The following TBC1D9B variants were observed in gnomAD, a reference collection of about 807,000 sequenced individuals.
TBC1D9B encodes the protein TBC1 domain family member 9B, also known as TBC1 domain family, member 9B (with GRAM domain).
TBC1D9B carries 87 observed loss-of-function variants against 121.1 expected under a neutral mutation model. The ratio of observed to expected loss-of-function variants is 0.72; its 90% CI spans 0.60 to 0.86. TBC1D9B has a LOEUF of 0.86. Ranked by LOEUF, TBC1D9B falls within the 40% of genes least tolerant of loss-of-function variation. TBC1D9B has a pLI of 0.00. For synonymous variants in TBC1D9B, 668 were observed against 670.1 expected, an observed-to-expected ratio of 1.00 and a Z score of 0.05; for missense variants, 1,540 against 1,628.6, an observed-to-expected ratio of 0.95 and a Z score of 0.94.
In TBC1D9B at chr5:179,878,351, C is replaced by T. The variant is rs201215106; in HGVS notation, c.1740G>A (p.Leu580=). The change falls in exon 10 of 21, where the codon CTG becomes CTA. Residue 580 remains leucine (L), a synonymous_variant. Transcript: ENST00000355235. ...TGGGGTTTCGGAAGGCATAGGCAGT[C>T]AGCACCCGCCGGAGGGCAGCAATCC... ...ELGIAALRRV[L]TAYAFRNPTI... is the part of the protein sequence containing the mutation. 2.1e-5 allele frequency: 34 copies of T among 1,613,820 alleles called. No homozygotes were observed. The highest frequency in any genetic ancestry group is 2.8e-5 in the Non-Finnish European group (33 of 1,179,958).
Position 179,863,707 on chromosome 5 carries a change from A to G in TBC1D9B, c.3443T>C (p.Leu1148Pro). ...SSYSVVSTGS[L>P]QCEDLADDTV... Reference sequence around the variant, plus strand: ...GTCGTCTGCAAGGTCTTCACATTGCAGGGAGCCCGTGCTGACCACCGAGTA... The same window carrying G: ...GTCGTCTGCAAGGTCTTCACATTGCGGGGAGCCCGTGCTGACCACCGAGTA... Residue 1148 changes from leucine to proline, a missense_variant, in exon 21 of 21, where the codon CTG (leucine) becomes CCG (proline). Leu to Pro is a moderately conservative substitution (Grantham distance 98, BLOSUM62 -3). Transcript: ENST00000355235. The surrounding 1 kb of genome is among the most constrained non-coding windows in gnomAD (Gnocchi z 4.5). The G allele has an allele frequency of 6.2e-7, 1 of 1,613,386 alleles. No homozygotes were observed. The highest frequency in any genetic ancestry group is 8.5e-7 in the Non-Finnish European group (1 of 1,179,956).
chr5:179,906,147 G>T (rs1359287097), intron 1 of TBC1D9B, among the ~76,000 whole-genome samples: 2 of 152,204 alleles, frequency 1.3e-5, no homozygotes, highest in African/African-American at 4.8e-5. Context: ...TTAATAGATG[G>T]CTTGGATAAA....
rs1005971124 is a variant in TBC1D9B at position 179,902,851 on chromosome 5, C to T, written c.229+1851G>A. Among the ~76,000 whole-genome samples the T allele has an allele frequency of 3.9e-5, 6 of 152,168 alleles. No homozygotes were observed. Among genetic ancestry groups the T allele is most frequent in the Admixed American group, 1.3e-4 (2 of 15,286 alleles). ...CCACTCAGGCTCTGAAGCCAGAGAT[C>T]GGGGGTCTAACTGGGCTTCCCTGCT... On this transcript the variant is annotated intron_variant, in intron 2 of 20. Transcript: ENST00000355235. The surrounding 1 kb of genome is among the most constrained non-coding windows in gnomAD (Gnocchi z 4.9).
chr5:179,888,371 G>A (rs1760756159), intron 6 of TBC1D9B, 59 bp from the exon 7 acceptor site: 4 of 1,549,552 alleles, frequency 2.6e-6, no homozygotes, highest in South Asian at 1.1e-5. Context: ...AGCTGGGCAT[G>A]CTTTGTGAAT....
chr5:179,906,741 G>C (rs1761329076), intron 1 of TBC1D9B, among the ~76,000 whole-genome samples: 1 of 152,232 alleles, frequency 6.6e-6, no homozygotes, highest in Admixed American at 6.5e-5. Context: ...AAGAAACGTG[G>C]CCCAGGAGAA....
intron 1 of TBC1D9B, among the ~76,000 whole-genome samples, chr5:179,906,500 C>T (rs550696157): frequency 3.3e-4 from 50 of 151,200 alleles, no homozygotes; most frequent in African/African-American, 1.2e-3. Context: ...GACACACTGG[C>T]GCGCTGATGA....
In TBC1D9B at chr5:179,865,627, A is replaced by T. The variant is rs1759985287; in HGVS notation, c.2914+211T>A. 2 of 630,894 alleles carry T rather than the reference A, an allele frequency of 3.2e-6. No individual in the cohort carries two copies. The highest frequency in any genetic ancestry group is 3.7e-5 in the African/African-American group (2 of 54,408). The allele number at this position is 630,894 out of a possible 1,614,324, so 39.1% of individuals were successfully genotyped here. On this transcript the variant is annotated intron_variant, in intron 19 of 20. Transcript: ENST00000355235. The surrounding 1 kb of genome is among the most constrained non-coding windows in gnomAD (Gnocchi z 5.1). Reference sequence around the variant, plus strand: ...GGGGAGTCACAGGGCAGCTGGAGAGAAGCTGGCAAGAGAGGGCTGGCTGGG... The same window carrying T: ...GGGGAGTCACAGGGCAGCTGGAGAGTAGCTGGCAAGAGAGGGCTGGCTGGG...
intron 14 of TBC1D9B, 36 bp downstream of exon 14, chr5:179,872,856 A>ACCCCACCCCCC: frequency 1.2e-6 from 1 of 868,376 alleles, no homozygotes; most frequent in East Asian, 4.7e-5. Context: ...CTGCCCCCCC[A>ACCCCACCCCCC]GCCCAGCCCC....
In TBC1D9B at chr5:179,893,201, C is replaced by A. The variant is rs749597613; in HGVS notation, c.836+8G>T. The A allele has an allele frequency of 2.0e-5, 32 of 1,597,220 alleles. No homozygotes were observed. Among genetic ancestry groups the A allele is most frequent in the Non-Finnish European group, 2.4e-5 (28 of 1,171,402 alleles). ...ATGAGCCCACCCCAGCCCTGGAGGG[C>A]AACGCACCGCTTCAGGGCTGAGATG... On this transcript the variant is annotated splice_region_variant and intron_variant, in intron 5 of 20. Transcript: ENST00000355235.
chr5:179,866,032 C>G (rs1759996785), intron 18 of TBC1D9B, 144 bp from the exon 19 acceptor site: 1 of 957,010 alleles, frequency 1.0e-6, no homozygotes, highest in African/African-American at 1.6e-5. Context: ...CATGCCACAC[C>G]TCCTGCCTGG....
rs775109007 is a variant in TBC1D9B, at chr5:179,863,644, G to A, written c.3506C>T (p.Ala1169Val). 4.0e-5 allele frequency: 64 copies of A among 1,613,684 alleles called. No individual in the cohort carries two copies. The highest frequency in any genetic ancestry group is 5.3e-5 in the Non-Finnish European group (62 of 1,180,036). The change falls in exon 21 of 21, where the codon GCG (alanine) becomes GTG (valine). Residue 1169 changes from alanine to valine, a missense_variant. Coordinates refer to ENST00000355235, the MANE Select transcript of TBC1D9B (RefSeq NM_015043.4). The surrounding 1 kb of genome is among the most constrained non-coding windows in gnomAD (Gnocchi z 4.5). ...GGTGTCGACGGTGCCGCCGATGCGC[G>A]CTGTGGGGCTGCAGGCCTCCCCGCC... ...LVGGEACSPTARIGGTVDTDW... is the reference protein window; with the variant it reads ...LVGGEACSPTVRIGGTVDTDW...
In TBC1D9B at chr5:179,875,129, G is replaced by A; in HGVS notation, c.1959C>T (p.Leu653=). 6.2e-7 allele frequency: 1 copy of A among 1,613,996 alleles called. No individual in the cohort carries two copies. The part of the protein sequence containing the change: ...EELTRDFLPQ[L]SEKMQDLGVI... ...CCCCCAGGTCCTGCATCTTCTCCGA[G>A]AGCTGCGGCAGGAAGTCTCTCGTGA... Residue 653 remains leucine (L), a synonymous_variant, in exon 12 of 21, where the codon CTC becomes CTT. Transcript: ENST00000355235. The surrounding 1 kb of genome is among the most constrained non-coding windows in gnomAD (Gnocchi z 4.5).
intron 8 of TBC1D9B, 186 bp downstream of exon 8, chr5:179,879,442 C>T: frequency 9.6e-7 from 1 of 1,045,732 alleles, no homozygotes; most frequent in Non-Finnish European, 1.4e-6. Flanking sequence ...GCACACTGAG[C>T]AGGTCAGCGG....
At position 179,879,747 on chromosome 5, in the gene TBC1D9B, G is replaced by C; in HGVS notation, c.1297C>G (p.Pro433Ala). 6.2e-7 allele frequency: 1 copy of C among 1,613,956 alleles called. No homozygotes were observed. The highest frequency in any genetic ancestry group is 1.3e-5 in the African/African-American group (1 of 75,074). ...TGGCGGCTGCTGAGGGGAGAGGCTG[G>C]GCTGGCGGGCTGCTCCGACCCCTCC... ...PQEGSEQPAS[P>A]ASPLSSRQSF... Residue 433 changes from proline (P) to alanine (A), a missense_variant, in exon 8 of 21, where the codon CCA (proline) becomes GCA (alanine). Coordinates refer to ENST00000355235, the MANE Select transcript of TBC1D9B (RefSeq NM_015043.4).
rs143770176 is a variant in TBC1D9B at position 179,863,750 on chromosome 5, C to T, written c.3400G>A (p.Asp1134Asn). 2.0e-5 allele frequency: 32 copies of T among 1,613,520 alleles called. No individual in the cohort carries two copies. Among genetic ancestry groups the T allele is most frequent in the Admixed American group, 1.0e-4 (6 of 59,996 alleles). ...QLLSDDETKD[D>N]MSMSSYSVVS... Reference sequence around the variant, plus strand: ...ACCGAGTAGGAGGACATGGACATGTCGTCTTTGGTTTCATCGTCAGACAGC... The same window carrying T: ...ACCGAGTAGGAGGACATGGACATGTTGTCTTTGGTTTCATCGTCAGACAGC... Residue 1134 changes from aspartate to asparagine, a missense_variant, in exon 21 of 21, where the codon GAC becomes AAC. By Grantham distance (23) the Asp-to-Asn change is conservative (BLOSUM62 1). Transcript: ENST00000355235. This position sits in a 1 kb window ranked among gnomAD's most constrained non-coding sequence, Gnocchi z 4.5.
chr5:179,901,535 A>T (rs143906446), intron 2 of TBC1D9B, among the ~76,000 whole-genome samples: 5 of 152,216 alleles, frequency 3.3e-5, no homozygotes, highest in Non-Finnish European at 5.9e-5. Context: ...CTATAATCCC[A>T]GCACTCTGGG....
In TBC1D9B at chr5:179,894,618, G is replaced by A. The variant is rs1760969375; in HGVS notation, c.349-4C>T. On this transcript the variant is annotated splice_region_variant and splice_polypyrimidine_tract_variant and intron_variant, in intron 3 of 20. Coordinates refer to ENST00000355235, the MANE Select transcript of TBC1D9B (RefSeq NM_015043.4). ...TGTTCTCTTCTGCGATGATTCCCTG[G>A]AGGAAGGCAAGAGGACAAGGGCTTG... 1.2e-6 allele frequency: 2 copies of A among 1,614,070 alleles called. No individual in the cohort carries two copies. Among genetic ancestry groups the A allele is most frequent in the Non-Finnish European group, 1.7e-6 (2 of 1,179,986 alleles).
At chr5:179,864,751 G>C (rs887066535) in intron 20 of TBC1D9B, among the ~76,000 whole-genome samples, 1 of 152,254 alleles carries the variant, frequency 6.6e-6, no homozygotes, top group Non-Finnish European at 1.5e-5. Flanking sequence ...CAGCTAGACC[G>C]TGGGTCTGGC....
Position 179,865,389 on chromosome 5 carries a change from T to G in TBC1D9B, c.2915-29A>C, listed in dbSNP as rs1190372819. Reference sequence around the variant, plus strand: ...CAGGTTAGGAGGAAAGAGATTAATCTTTGTCATGTGAGACGGCTGCGGGCT... The same window carrying G: ...CAGGTTAGGAGGAAAGAGATTAATCGTTGTCATGTGAGACGGCTGCGGGCT... On this transcript the variant is annotated intron_variant, in intron 19 of 20. Coordinates refer to ENST00000355235, the MANE Select transcript of TBC1D9B (RefSeq NM_015043.4). The surrounding 1 kb of genome is among the most constrained non-coding windows in gnomAD (Gnocchi z 5.1). 5 of 1,607,644 alleles carry G rather than the reference T, an allele frequency of 3.1e-6. No homozygotes were observed. The Admixed American group carries it at 6.7e-5, about 21-fold the overall frequency.
Sources: gnomAD v4.1 joint callset for allele counts (sites outside exome capture counted in the v4.1 genomes callset) on GRCh38, gnomAD v4.1.1 for gene constraint, Gnocchi (gnomAD v3.1) non-coding constraint, MANE v1.5 for transcripts, NCBI Gene and HGNC (gene_info 2026-07-23, HGNC 2026-07-21) for gene names.